MAN1A1: variants seen among roughly 807,000 people sequenced by gnomAD.
MAN1A1 encodes the protein mannosidase alpha class 1A member 1.
Under a neutral mutation model 70.8 loss-of-function variants are expected in MAN1A1, and 29 were observed. The ratio of observed to expected loss-of-function variants is 0.41; its 90% CI spans 0.31 to 0.56. The LOEUF is 0.56. Ranked by LOEUF, MAN1A1 falls within the 20% of genes least tolerant of loss-of-function variation. The pLI, the probability that MAN1A1 is intolerant of heterozygous loss-of-function variation, is 0.29. For missense variants in MAN1A1, 747 were observed against 841.3 expected (o/e 0.89, Z 1.39); for synonymous variants, 349 against 330.1 (o/e 1.06, Z -0.62).
intron 1 of MAN1A1, 123 bp downstream of exon 1, chr6:119,349,419 C>T (rs1329532112): frequency 4.0e-5 from 37 of 915,314 alleles, no homozygotes; most frequent in Non-Finnish European, 4.8e-5. Flanking sequence ...GTCCGGGCAC[C>T]GCCCTCGCAG....
intron 2 of MAN1A1, among the ~76,000 whole-genome samples, chr6:119,308,483 A>T (rs1582791087): frequency 6.6e-6 from 1 of 152,194 alleles, no homozygotes; most frequent in East Asian, 1.9e-4. Context: ...CACATACTTA[A>T]GGATGAGTCA....
chr6:119,237,788 A>C (rs1774894858), intron 6 of MAN1A1, among the ~76,000 whole-genome samples: 1 of 152,218 alleles, frequency 6.6e-6, no homozygotes, highest in Non-Finnish European at 1.5e-5. Flanking sequence ...CTACTTTAAC[A>C]AATAAGAAAA....
intron 6 of MAN1A1, among the ~76,000 whole-genome samples, chr6:119,215,908 A>G (rs1287244769): frequency 2.0e-5 from 3 of 152,232 alleles, no homozygotes; most frequent in Admixed American, 1.3e-4. Flanking sequence ...GCTTCTTTAG[A>G]CTGGCTTGTT....
intron 6 of MAN1A1, among the ~76,000 whole-genome samples, chr6:119,226,524 A>G (rs1774518563): frequency 1.3e-5 from 2 of 152,222 alleles, no homozygotes; most frequent in East Asian, 1.9e-4. Flanking sequence ...CTAAAAGATG[A>G]TATTTTAGAC....
intron 5 of MAN1A1, among the ~76,000 whole-genome samples, chr6:119,249,381 C>G (rs1003955755): frequency 6.6e-6 from 1 of 152,096 alleles, no homozygotes; most frequent in African/African-American, 2.4e-5. Flanking sequence ...TTAGATGAGG[C>G]CCATCCTCAG....
chr6:119,303,261 C>A lies in MAN1A1; in HGVS notation c.701-1158G>T, dbSNP rs191799825. On this transcript the variant is annotated intron_variant, in intron 3 of 12. Transcript: ENST00000368468. ...TCTCAAACTCCTGGCCTCAAGCAATCCTCCCACTTTGGCCTTCCAGAGTAC... is the reference window on the plus strand; with the variant it reads ...TCTCAAACTCCTGGCCTCAAGCAATACTCCCACTTTGGCCTTCCAGAGTAC... Among the ~76,000 whole-genome samples the A allele has an allele frequency of 2.3e-3, 344 of 152,210 alleles. 2 individuals are homozygous for A. The highest frequency in any genetic ancestry group is 3.8e-3 in the Non-Finnish European group (261 of 68,014).
At chr6:119,189,118 A>G (rs1048201195) in intron 10 of MAN1A1, among the ~76,000 whole-genome samples, 6 of 152,166 alleles carry the variant, frequency 3.9e-5, no homozygotes, top group African/African-American at 1.4e-4. Context: ...AAATATTAAC[A>G]ATTTATTTTT....
At chr6:119,303,031 T>A (rs1256859120) in intron 3 of MAN1A1, among the ~76,000 whole-genome samples, 2 of 152,126 alleles carry the variant, frequency 1.3e-5, no homozygotes, top group African/African-American at 4.8e-5. Flanking sequence ...ACTTTTTTTT[T>A]CTTTTGAGAC....
rs1276528818 is a variant in MAN1A1 at position 119,349,062 on chromosome 6, G to A, written c.4C>T (p.Pro2Ser). The part of the protein sequence containing the change: M[P>S]VGGLLPLFSS... ...AAGAGCGGCAACAGGCCCCCCACGG[G>A]CATCGCTCCCGCTGTCCAGTGGTCC... The change falls in exon 2 of 13, where the codon CCC becomes TCC. Residue 2 changes from proline (P) to serine (S), a missense_variant. Physicochemically the swap from Pro to Ser is moderately conservative, Grantham distance 74. Coordinates refer to ENST00000368468, the MANE Select transcript of MAN1A1 (RefSeq NM_005907.4). 3 of 1,317,828 alleles carry A rather than the reference G, an allele frequency of 2.3e-6. No individual in the cohort carries two copies. The highest frequency in any genetic ancestry group is 3.1e-5 in the East Asian group (1 of 32,388). 81.6% of individuals were successfully genotyped at this position (1,317,828 alleles called of 1,614,324 possible).
intron 2 of MAN1A1, among the ~76,000 whole-genome samples, chr6:119,311,371 T>C (rs1772695396): frequency 6.6e-6 from 1 of 152,112 alleles, no homozygotes. Context: ...CATTTAAAAA[T>C]ATACACAACT....
At chr6:119,185,844 GTTTTTTTTTT>G (rs63362861) in intron 11 of MAN1A1, among the ~76,000 whole-genome samples, 1 of 132,162 alleles carries the variant, frequency 7.6e-6, no homozygotes, top group African/African-American at 2.8e-5. Context: ...TGGCCTCCCA[GTTTTTTTTTT>G]TTTTTTTTTT....
chr6:119,212,799 A>G (rs1310382292), intron 6 of MAN1A1, among the ~76,000 whole-genome samples: 1 of 152,216 alleles, frequency 6.6e-6, no homozygotes, highest in Non-Finnish European at 1.5e-5. Context: ...CCATTTCAGC[A>G]GATCCTTACT....
chr6:119,187,359 AT>A (rs988319724), intron 11 of MAN1A1, among the ~76,000 whole-genome samples: 9 of 152,300 alleles, frequency 5.9e-5, no homozygotes, highest in African/African-American at 1.9e-4. Context: ...CAACTTTAAC[AT>A]TTTCTCCAGA....
At chr6:119,327,429 G>A (rs1050014118) in intron 2 of MAN1A1, 5 of 129,486 alleles carry the variant, frequency 3.9e-5, no homozygotes, top group East Asian at 2.2e-4. Context: ...TCGCTCTGTC[G>A]CCCAGGCTGG....
At chr6:119,335,473 C>T (rs1338464792) in intron 2 of MAN1A1, among the ~76,000 whole-genome samples, 1 of 152,192 alleles carries the variant, frequency 6.6e-6, no homozygotes, top group Non-Finnish European at 1.5e-5. Context: ...TGTTGATATA[C>T]TTAATCTGGG....
intron 4 of MAN1A1, among the ~76,000 whole-genome samples, chr6:119,300,029 C>G (rs978917949): frequency 6.6e-6 from 1 of 152,154 alleles, no homozygotes; most frequent in African/African-American, 2.4e-5. Context: ...ACCCAAGATT[C>G]AGTAAGAAAC....
In MAN1A1 at chr6:119,249,822, T is replaced by A. The variant is rs1373022624; in HGVS notation, c.898-1468A>T. Among the ~76,000 whole-genome samples, 7 of 152,290 alleles carry A rather than the reference T, an allele frequency of 4.6e-5. No individual in the cohort carries two copies. In the South Asian group the frequency reaches 1.0e-3, roughly 23 times the overall value. Reference sequence around the variant, plus strand: ...TGGAATCTTAAAAAAAAATTTTTTTTAAATTTAAAATTTTCCTCATGCATA... The same window carrying A: ...TGGAATCTTAAAAAAAAATTTTTTTAAAATTTAAAATTTTCCTCATGCATA... On this transcript the variant is annotated intron_variant, in intron 5 of 12. Coordinates refer to ENST00000368468, the MANE Select transcript of MAN1A1 (RefSeq NM_005907.4).
At chr6:119,316,717 A>G (rs1311063222) in intron 2 of MAN1A1, among the ~76,000 whole-genome samples, 3 of 152,140 alleles carry the variant, frequency 2.0e-5, no homozygotes, top group African/African-American at 7.2e-5. Context: ...GAAATGTGCT[A>G]TCTTTAAAAG....
chr6:119,197,299 C>T (rs1773596178), intron 8 of MAN1A1, among the ~76,000 whole-genome samples: 1 of 148,462 alleles, frequency 6.7e-6, no homozygotes, highest in Non-Finnish European at 1.5e-5. Flanking sequence ...AAGACTCCGT[C>T]TCCAAAAAAG....
Sources: allele counts gnomAD v4.1 joint callset (sites outside exome capture counted in the v4.1 genomes callset), GRCh38; gene constraint gnomAD v4.1.1; transcripts MANE v1.5; gene names NCBI Gene and HGNC (gene_info 2026-07-23, HGNC 2026-07-21).